NRXN1: variants seen among roughly 807,000 people sequenced by gnomAD.
NRXN1 encodes the protein neurexin 1.
NRXN1 carries 39 observed loss-of-function variants against 150.9 expected under a neutral mutation model. The ratio of observed to expected loss-of-function variants is 0.26; its 90% CI spans 0.20 to 0.34. The LOEUF (loss-of-function observed/expected upper bound fraction) is 0.34. Among genes scored for constraint, NRXN1 ranks in the 10% least tolerant of loss-of-function variants. The pLI is 1.00. For missense variants in NRXN1, 1,815 were observed against 1,949.9 expected, an observed-to-expected ratio of 0.93 and a Z score of 1.30; for synonymous variants, 924 against 757.0, an observed-to-expected ratio of 1.22 and a Z score of -3.62.
chr2:50,514,203 A>C (rs1005340925), intron 12 of NRXN1, among the ~76,000 whole-genome samples: 5 of 152,176 alleles, frequency 3.3e-5, no homozygotes, highest in Non-Finnish European at 7.3e-5. Flanking sequence ...TGCACAGATG[A>C]TGGACAGGCA....
intron 5 of NRXN1, among the ~76,000 whole-genome samples, chr2:50,912,697 G>T (rs1447245545): frequency 1.3e-5 from 2 of 148,918 alleles, no homozygotes; most frequent in African/African-American, 5.0e-5. Flanking sequence ...TGAGCTACTT[G>T]AACATGTTTG....
chr2:50,721,953 G>C (rs1043793087), intron 5 of NRXN1, among the ~76,000 whole-genome samples: 3 of 152,212 alleles, frequency 2.0e-5, no homozygotes, highest in African/African-American at 4.8e-5. Flanking sequence ...GTTGAATTGT[G>C]ATTTTTGCAT....
chr2:50,632,905 T>G (rs1287335739), intron 5 of NRXN1: 1 of 152,116 alleles, frequency 6.6e-6, no homozygotes, highest in Non-Finnish European at 1.5e-5. Context: ...GTCCAGGCTT[T>G]AAATCATTGG....
chr2:50,802,827 T>C (rs369734179), intron 5 of NRXN1, among the ~76,000 whole-genome samples: 35 of 151,950 alleles, frequency 2.3e-4, no homozygotes, highest in Non-Finnish European at 3.5e-4. Context: ...AGAGAAACCA[T>C]GTGAAGACAG....
chr2:50,464,523 T>C (rs1420468029), intron 17 of NRXN1: 2 of 151,956 alleles, frequency 1.3e-5, no homozygotes, highest in Non-Finnish European at 2.9e-5. Context: ...ACTCTTTCTT[T>C]AAATCCACAT....
chr2:50,828,903 G>T (rs1190264704), intron 5 of NRXN1, among the ~76,000 whole-genome samples: 1 of 152,206 alleles, frequency 6.6e-6, no homozygotes, highest in Non-Finnish European at 1.5e-5. Flanking sequence ...GTTGTAGCGA[G>T]CCAAGATCAC....
chr2:50,387,201 G>A (rs1187264498), intron 17 of NRXN1, among the ~76,000 whole-genome samples: 7 of 152,116 alleles, frequency 4.6e-5, no homozygotes, highest in African/African-American at 1.7e-4. Context: ...ATGAAAAGGA[G>A]GTGGTGAAGG....
At chr2:50,986,028 T>C (rs1284977123) in intron 2 of NRXN1, among the ~76,000 whole-genome samples, 1 of 151,618 alleles carries the variant, frequency 6.6e-6, no homozygotes, top group African/African-American at 2.4e-5. Flanking sequence ...TTTAATGACT[T>C]CCCATCTCCC....
intron 5 of NRXN1, among the ~76,000 whole-genome samples, chr2:50,752,654 C>G (rs554360178): frequency 6.6e-6 from 1 of 151,250 alleles, no homozygotes; most frequent in Non-Finnish European, 1.5e-5. Flanking sequence ...GATTTCTTCC[C>G]ATTATGTGTA....
At chr2:50,692,469 GA>G (rs1395730857) in intron 5 of NRXN1, among the ~76,000 whole-genome samples, 1 of 151,118 alleles carries the variant, frequency 6.6e-6, no homozygotes. Flanking sequence ...ACTCTGTGGA[GA>G]TTTTTTTTTC....
At position 51,028,519 on chromosome 2, in the gene NRXN1, G is replaced by A. The variant is rs1047731172; in HGVS notation, c.-246C>T. 3 of 398,494 alleles carry A rather than the reference G, an allele frequency of 7.5e-6. No individual in the cohort carries two copies. Among genetic ancestry groups the A allele is most frequent in the Admixed American group, 8.1e-5 (2 of 24,828 alleles). The allele number at this position is 398,494 out of a possible 1,614,324, so 24.7% of individuals were successfully genotyped here. On this transcript the variant is annotated 5_prime_UTR_variant, in exon 2 of 23. Coordinates refer to ENST00000401669, the MANE Select transcript of NRXN1 (RefSeq NM_001330078.2). ...ACCCCAGTGGTACAGGGTAGCCACA[G>A]AACTTCCAGACCAAAGGGAGGATGC...
chr2:49,995,174 A>T (rs772438074), intron 21 of NRXN1, among the ~76,000 whole-genome samples: 17 of 152,216 alleles, frequency 1.1e-4, no homozygotes, highest in Non-Finnish European at 2.2e-4. Context: ...CAAGACATGA[A>T]ATTCAATTTT....
chr2:50,501,457 G>A (rs547670734), intron 13 of NRXN1, among the ~76,000 whole-genome samples: 1 of 149,998 alleles, frequency 6.7e-6, no homozygotes, highest in South Asian at 2.1e-4. Flanking sequence ...AGAGATTGGA[G>A]AGTGAACTAG....
chr2:50,126,786 A>T (rs914689190), intron 18 of NRXN1, among the ~76,000 whole-genome samples: 1 of 152,070 alleles, frequency 6.6e-6, no homozygotes. Context: ...TCTTTTAAGG[A>T]GCTTATGCAT....
intron 18 of NRXN1, among the ~76,000 whole-genome samples, chr2:50,233,257 A>T (rs946295338): frequency 5.9e-5 from 9 of 152,048 alleles, no homozygotes; most frequent in Non-Finnish European, 7.4e-5. Flanking sequence ...TTTCAATAGT[A>T]ATATTATATG....
chr2:50,091,507 A>T lies in NRXN1; in HGVS notation c.3547-13T>A. The T allele has an allele frequency of 6.2e-7, 1 of 1,613,740 alleles. No individual in the cohort carries two copies. The highest frequency in any genetic ancestry group is 1.3e-5 in the African/African-American group (1 of 75,042). On this transcript the variant is annotated splice_polypyrimidine_tract_variant and intron_variant, in intron 18 of 22. Coordinates refer to ENST00000401669, the MANE Select transcript of NRXN1 (RefSeq NM_001330078.2). ...TTTTTCCCTGGTGCTGTAAGAGAGG[A>T]GGGGAAAAAAGAGTTGAATTAAGTT...
At chr2:50,937,738 C>A (rs186423524) in intron 2 of NRXN1, among the ~76,000 whole-genome samples, 2 of 151,780 alleles carry the variant, frequency 1.3e-5, no homozygotes, top group Admixed American at 6.6e-5. Context: ...TAATCTCATT[C>A]AATTATTATA....
At chr2:50,950,334 A>G (rs1253881154) in intron 2 of NRXN1, among the ~76,000 whole-genome samples, 5 of 152,192 alleles carry the variant, frequency 3.3e-5, no homozygotes, top group Non-Finnish European at 7.3e-5. Context: ...GTCAAATTAT[A>G]TATCTAGTTA....
At chr2:50,362,606 A>G (rs946452933) in intron 17 of NRXN1, among the ~76,000 whole-genome samples, 2 of 152,190 alleles carry the variant, frequency 1.3e-5, no homozygotes, top group Non-Finnish European at 2.9e-5. Context: ...ACACAAACAA[A>G]TGGAAAAACA....
Sources: allele counts gnomAD v4.1 joint callset (sites outside exome capture counted in the v4.1 genomes callset), GRCh38; gene constraint gnomAD v4.1.1; transcripts MANE v1.5; gene names NCBI Gene and HGNC (gene_info 2026-07-23, HGNC 2026-07-21).